NDRG4: variants seen among roughly 807,000 people sequenced by gnomAD.
NDRG4 encodes the protein NDRG family member 4, also known as protein NDRG4.
A neutral mutation model predicts 55.8 loss-of-function variants in NDRG4; 38 were observed. The observed-to-expected ratio is 0.68, with a 90% CI of 0.53 to 0.89. NDRG4 has a LOEUF of 0.89. Ranked by LOEUF, NDRG4 falls within the 40% of genes least tolerant of loss-of-function variation. NDRG4 has a pLI of 0.00. For synonymous variants in NDRG4, 190 were observed against 182.7 expected (o/e 1.04, Z -0.32); for missense variants, 455 against 468.6 (o/e 0.97, Z 0.27).
At position 58,511,821 on chromosome 16, in the gene NDRG4, C is replaced by G. The variant is rs1425667433; in HGVS notation, c.*245C>G. 2 of 565,062 alleles carry G rather than the reference C, an allele frequency of 3.5e-6. No individual in the cohort carries two copies. The highest frequency in any genetic ancestry group is 6.5e-6 in the Non-Finnish European group (2 of 306,824). The allele number at this position is 565,062 out of a possible 1,614,324, so 35.0% of individuals were successfully genotyped here. On this transcript the variant is annotated 3_prime_UTR_variant, in exon 15 of 15. Transcript: ENST00000570248. ...CAACTTGACCCCTCTCATCCCACTCCCGGCGGCCCAGGCACAGAAGGGCAG... is the reference window on the plus strand; with the variant it reads ...CAACTTGACCCCTCTCATCCCACTCGCGGCGGCCCAGGCACAGAAGGGCAG...
rs555880381 is a variant in NDRG4, at chr16:58,513,559, C to T, written c.*1983C>T. The T allele has an allele frequency of 2.6e-5, 4 of 151,966 alleles. No homozygotes were observed. Among genetic ancestry groups the T allele is most frequent in the South Asian group, 2.1e-4 (1 of 4,808 alleles). The allele number at this position is 151,966 out of a possible 1,614,324, so 9.4% of individuals were successfully genotyped here. On this transcript the variant is annotated 3_prime_UTR_variant, in exon 15 of 15. Coordinates refer to ENST00000570248, the MANE Select transcript of NDRG4 (RefSeq NM_001242835.2). ...CACCCATCTTTCTATTTCCAGTACA[C>T]GTCACATTATTTTACCGGTGAGATG...
intron 1 of NDRG4, chr16:58,465,097 G>A (rs1447368016): frequency 2.3e-6 from 3 of 1,286,678 alleles, no homozygotes; most frequent in African/African-American, 1.5e-5. Flanking sequence ...GGGACGGGGG[G>A]GAGGATTCGA....
At chr16:58,486,911 A>C (rs922398094) in intron 1 of NDRG4, among the ~76,000 whole-genome samples, 1 of 149,930 alleles carries the variant, frequency 6.7e-6, no homozygotes. Flanking sequence ...TTTCAACATC[A>C]CTCGGCCTGC....
chr16:58,476,257 G>A (rs903341494), intron 1 of NDRG4, among the ~76,000 whole-genome samples: 4 of 152,224 alleles, frequency 2.6e-5, no homozygotes, highest in Non-Finnish European at 5.9e-5. Context: ...AACAGATATG[G>A]GGGGATAATT....
At chr16:58,514,107 A>ATCATG (rs1311975301), downstream of NDRG4, among the ~76,000 whole-genome samples, 1 of 152,192 alleles carries the variant, frequency 6.6e-6, no homozygotes, top group Non-Finnish European at 1.5e-5. Context: ...TAAACATACG[A>ATCATG]TCATGTCTGA....
intron 1 of NDRG4, among the ~76,000 whole-genome samples, chr16:58,472,718 TG>T (rs1012712890): frequency 3.3e-5 from 5 of 152,100 alleles, no homozygotes; most frequent in African/African-American, 9.7e-5. Flanking sequence ...CCTACTAGTT[TG>T]GTTCTCTGGA....
chr16:58,489,590 G>A (rs1299179069), intron 2 of NDRG4, among the ~76,000 whole-genome samples: 2 of 151,860 alleles, frequency 1.3e-5, no homozygotes, highest in Non-Finnish European at 2.9e-5. Flanking sequence ...GGCCCTGGCC[G>A]TGTCACTTAG....
upstream of NDRG4, chr16:58,495,156 G>C: frequency 1.3e-6 from 1 of 745,002 alleles, no homozygotes; most frequent in Non-Finnish European, 2.3e-6. Flanking sequence ...AACTGGCCCT[G>C]CTTCTGCGAG....
intron 1 of NDRG4, among the ~76,000 whole-genome samples, chr16:58,483,095 A>AT (rs1225329176): frequency 2.0e-5 from 3 of 151,740 alleles, no homozygotes; most frequent in African/African-American, 7.3e-5. Context: ...CCCCCAGTGT[A>AT]TTTTCAAACA....
At chr16:58,501,839 C>T in intron 1 of NDRG4, 2 of 380,596 alleles carry the variant, frequency 5.3e-6, no homozygotes, top group Non-Finnish European at 5.4e-6. Flanking sequence ...GAGCAGACAC[C>T]CCTCACACCC....
chr16:58,476,148 T>C (rs2033591168), intron 1 of NDRG4, among the ~76,000 whole-genome samples: 1 of 152,228 alleles, frequency 6.6e-6, no homozygotes, highest in African/African-American at 2.4e-5. Flanking sequence ...TCCATTTACC[T>C]CGCACTGGCA....
At chr16:58,486,350 G>C (rs2035073376) in intron 1 of NDRG4, among the ~76,000 whole-genome samples, 1 of 151,622 alleles carries the variant, frequency 6.6e-6, no homozygotes, top group South Asian at 2.1e-4. Flanking sequence ...CGTAGAGATG[G>C]GGCCTTGCTA....
At chr16:58,502,226 GGGTCAGT>G (rs905525968) in intron 1 of NDRG4, 1 of 342,246 alleles carries the variant, frequency 2.9e-6, no homozygotes, top group Non-Finnish European at 5.9e-6. Context: ...AGAAAACTGT[GGGTCAGT>G]GGTCAGTGGC....
chr16:58,485,118 C>T (rs13330269), intron 1 of NDRG4, among the ~76,000 whole-genome samples: 2 of 152,004 alleles, frequency 1.3e-5, no homozygotes, highest in South Asian at 2.1e-4. Flanking sequence ...CTCCTGACCT[C>T]GTGATCCACC....
intron 2 of NDRG4, among the ~76,000 whole-genome samples, chr16:58,492,001 C>T (rs2035841324): frequency 6.6e-6 from 1 of 152,082 alleles, no homozygotes; most frequent in South Asian, 2.1e-4. Context: ...AGGCTGGTCT[C>T]GAACTCCTGG....
intron 5 of NDRG4, among the ~76,000 whole-genome samples, chr16:58,505,314 A>G (rs1278356397): frequency 2.0e-5 from 3 of 151,736 alleles, no homozygotes; most frequent in Non-Finnish European, 4.4e-5. Flanking sequence ...GCGCCACTGC[A>G]CTCCAGCCTG....
intron 1 of NDRG4, among the ~76,000 whole-genome samples, chr16:58,477,987 T>C (rs745868356): frequency 1.3e-5 from 2 of 152,204 alleles, no homozygotes; most frequent in Non-Finnish European, 2.9e-5. Flanking sequence ...GGGCACCTCC[T>C]TCTGTCGTAT....
intron 1 of NDRG4, among the ~76,000 whole-genome samples, chr16:58,487,477 G>A (rs1250707196): frequency 1.3e-5 from 2 of 151,950 alleles, no homozygotes; most frequent in African/African-American, 4.8e-5. Flanking sequence ...CCAAGATTAC[G>A]CCACTGCACT....
chr16:58,475,586 A>C, intron 1 of NDRG4: 1 of 455,566 alleles, frequency 2.2e-6, no homozygotes, highest in South Asian at 1.6e-5. Context: ...GTAAGATAAA[A>C]GTATTTTTTT....
Sources: allele counts gnomAD v4.1 joint callset (sites outside exome capture counted in the v4.1 genomes callset), GRCh38; gene constraint gnomAD v4.1.1; transcripts MANE v1.5; gene names NCBI Gene and HGNC (gene_info 2026-07-23, HGNC 2026-07-21).